PGD: variants seen among roughly 807,000 people sequenced by gnomAD.
PGD encodes phosphogluconate dehydrogenase, also known as 6-phosphogluconate dehydrogenase, decarboxylating.
A neutral mutation model predicts 60.4 loss-of-function variants in PGD; 21 were observed. The ratio of observed to expected loss-of-function variants is 0.35; its 90% CI spans 0.25 to 0.50. The LOEUF is 0.50. Among genes scored for constraint, PGD ranks in the 20% least tolerant of loss-of-function variants. PGD has a pLI of 0.98. For missense variants in PGD, 477 were observed against 613.1 expected, an observed-to-expected ratio of 0.78 and a Z score of 2.34; for synonymous variants, 230 against 235.9, an observed-to-expected ratio of 0.97 and a Z score of 0.23.
intron 5 of PGD, among the ~76,000 whole-genome samples, chr1:10,404,683 A>G (rs1003737949): frequency 2.0e-5 from 3 of 152,090 alleles, no homozygotes; most frequent in Admixed American, 1.3e-4. Context: ...GCCTTTTAGT[A>G]GAGACAGGGT....
At chr1:10,412,962 TG>T in intron 7 of PGD, 99 bp from the exon 8 acceptor site, 1 of 1,000,708 alleles carries the variant, frequency 1.0e-6, no homozygotes, top group Non-Finnish European at 1.5e-6. Context: ...CAGAGCCTGC[TG>T]GCAACCGTGA....
intron 8 of PGD, among the ~76,000 whole-genome samples, chr1:10,415,801 T>G (rs550025799): frequency 6.6e-6 from 1 of 152,360 alleles, no homozygotes; most frequent in Non-Finnish European, 1.5e-5. Context: ...CTATAAGTTG[T>G]CAGTTGAGCA....
intron 8 of PGD, among the ~76,000 whole-genome samples, chr1:10,414,513 T>C (rs1639561223): frequency 6.6e-6 from 1 of 151,848 alleles, no homozygotes; most frequent in South Asian, 2.1e-4. Context: ...TAGCTGGGAT[T>C]ACAGGCATGC....
At chr1:10,411,376 C>A (rs1218052460) in intron 6 of PGD, 42 bp from the exon 7 acceptor site, 1 of 1,610,014 alleles carries the variant, frequency 6.2e-7, no homozygotes, top group Non-Finnish European at 8.5e-7. Flanking sequence ...TGATGTGTCG[C>A]CTGTTTCTCT....
chr1:10,403,532 A>C (rs1216474214), intron 4 of PGD, among the ~76,000 whole-genome samples: 3 of 142,792 alleles, frequency 2.1e-5, no homozygotes, highest in Non-Finnish European at 4.5e-5. Flanking sequence ...CAGAAGTTGC[A>C]GTGAGCCGAG....
In PGD at chr1:10,399,638, C is replaced by T. The variant is rs201959492; in HGVS notation, c.18C>T (p.Ile6=). MAQAD[I]ALIGLAVMGQ... ...GTTTCTGCCTCTCTAGAGCTGACATCGCGCTGATCGGATTGGCCGTCATGG... is the reference window on the plus strand; with the variant it reads ...GTTTCTGCCTCTCTAGAGCTGACATTGCGCTGATCGGATTGGCCGTCATGG... The change falls in exon 2 of 13, where the codon ATC becomes ATT. Residue 6 remains isoleucine, a synonymous_variant. Transcript: ENST00000270776. 9 of 1,613,848 alleles carry T rather than the reference C, an allele frequency of 5.6e-6. No homozygotes were observed. The Admixed American group carries it at 1.5e-4, about 27-fold the overall frequency.
chr1:10,408,906 C>T (rs985146710), intron 6 of PGD, among the ~76,000 whole-genome samples: 3 of 152,138 alleles, frequency 2.0e-5, no homozygotes, highest in South Asian at 2.1e-4. Context: ...CCACCATGCC[C>T]GGCCTCGTGT....
intron 3 of PGD, 120 bp from the exon 4 acceptor site, chr1:10,402,951 C>T (rs1639339682): frequency 2.7e-6 from 2 of 735,048 alleles, no homozygotes; most frequent in Non-Finnish European, 4.9e-6. Context: ...GCATTCCAAG[C>T]TGGGCAACAG....
intron 3 of PGD, among the ~76,000 whole-genome samples, chr1:10,401,223 A>G (rs1391947649): frequency 6.6e-6 from 1 of 152,214 alleles, no homozygotes; most frequent in African/African-American, 2.4e-5. Context: ...AATAAAATCA[A>G]GATCTCCTTA....
At chr1:10,414,744 C>T (rs1639565497) in intron 8 of PGD, among the ~76,000 whole-genome samples, 1 of 151,936 alleles carries the variant, frequency 6.6e-6, no homozygotes, top group Non-Finnish European at 1.5e-5. Flanking sequence ...AAGGATGCCT[C>T]TCGTGGTTAA....
intron 1 of PGD, 139 bp from the exon 2 acceptor site, chr1:10,399,490 C>A: frequency 1.3e-6 from 1 of 778,416 alleles, no homozygotes; most frequent in South Asian, 1.7e-5. Flanking sequence ...CGTGCGCGCC[C>A]GGCTTCTGGG....
intron 3 of PGD, 79 bp downstream of exon 3, chr1:10,400,651 C>A: frequency 8.8e-7 from 1 of 1,135,226 alleles, no homozygotes; most frequent in Non-Finnish European, 1.2e-6. Context: ...CTTCTTTTAA[C>A]TCTAGAGATT....
In PGD at chr1:10,419,617, T is replaced by C. The variant is rs1011532467; in HGVS notation, c.1333-13T>C. The C allele has an allele frequency of 6.2e-7, 1 of 1,614,086 alleles. No homozygotes were observed. Among genetic ancestry groups the C allele is most frequent in the Non-Finnish European group, 8.5e-7 (1 of 1,179,934 alleles). On this transcript the variant is annotated splice_polypyrimidine_tract_variant and intron_variant, in intron 12 of 12. Coordinates refer to ENST00000270776, the MANE Select transcript of PGD (RefSeq NM_002631.4). Reference sequence around the variant, plus strand: ...ATGGACTGTCCTGACCAACCTACTCTCTCGTTTCCTAGGCTCAGCGGGATT... The same window carrying C: ...ATGGACTGTCCTGACCAACCTACTCCCTCGTTTCCTAGGCTCAGCGGGATT...
rs1256618404 is a variant in PGD at position 10,403,148 on chromosome 1, TCAGTC to T, written c.330+16_330+20del. The stretch of plus-strand genomic sequence containing the variant: ...ATAGGGACACCACAGTAAGTGTTCT[TCAGTC>T]CAGATTCTTCCAGGTTCCGAGAACA... On this transcript the variant is annotated intron_variant, in intron 4 of 12. Coordinates refer to ENST00000270776, the MANE Select transcript of PGD (RefSeq NM_002631.4). The T allele has an allele frequency of 1.9e-6, 3 of 1,567,710 alleles. No homozygotes were observed. In the East Asian group the frequency reaches 6.7e-5, roughly 35 times the overall value.
At position 10,399,414 on chromosome 1, in the gene PGD, G is replaced by C. The variant is rs909834973; in HGVS notation, c.9-215G>C. On this transcript the variant is annotated intron_variant, in intron 1 of 12. Transcript: ENST00000270776. ...GAGTCTGCAGGGACACCTGCGGGAC[G>C]CGTGCCAGCGGGAGCCGGGCGCGAG... 2.2e-5 allele frequency: 10 copies of C among 462,292 alleles called. No individual in the cohort carries two copies. The Admixed American group carries it at 2.7e-4, about 12-fold the overall frequency. 28.6% of individuals were successfully genotyped at this position (462,292 alleles called of 1,614,324 possible).
intron 5 of PGD, among the ~76,000 whole-genome samples, chr1:10,405,475 G>A (rs966698151): frequency 2.7e-5 from 4 of 149,944 alleles, no homozygotes; most frequent in Admixed American, 6.6e-5. Flanking sequence ...AATAATTGTG[G>A]GCAATCCGCT....
intron 3 of PGD, 78 bp downstream of exon 3, chr1:10,400,650 ACT>A (rs1639300483): frequency 8.8e-7 from 1 of 1,134,008 alleles, no homozygotes; most frequent in Non-Finnish European, 1.2e-6. Flanking sequence ...CCTTCTTTTA[ACT>A]CTAGAGATTT....
chr1:10,414,443 C>T (rs1438047979), intron 8 of PGD, among the ~76,000 whole-genome samples: 3 of 151,946 alleles, frequency 2.0e-5, no homozygotes, highest in South Asian at 2.1e-4. Context: ...GGCATGATCT[C>T]GGGTCACTGC....
Position 10,413,775 on chromosome 1 carries a change from C to T in PGD, c.844+524C>T, listed in dbSNP as rs147118951. ...AAAAAATTAGCCAGGTGTGGTGGCA[C>T]GTGCCTGTAGTCCCAGCCACTCAGG... On this transcript the variant is annotated intron_variant, in intron 8 of 12. Transcript: ENST00000270776. Among the ~76,000 whole-genome samples the T allele has an allele frequency of 8.4e-3, 1,271 of 152,184 alleles. 47 individuals carry two copies. Among genetic ancestry groups the T allele is most frequent in the Admixed American group, 0.067 (1,030 of 15,292 alleles).
Sources: allele counts gnomAD v4.1 joint callset (sites outside exome capture counted in the v4.1 genomes callset), GRCh38; gene constraint gnomAD v4.1.1; transcripts MANE v1.5; gene names NCBI Gene and HGNC (gene_info 2026-07-23, HGNC 2026-07-21).